The following C8orf34 variants were observed in gnomAD, a reference collection of about 807,000 sequenced individuals.
C8orf34 encodes chromosome 8 open reading frame 34.
In C8orf34, 65 loss-of-function variants were observed where a neutral mutation model predicts 68.3. The ratio of observed to expected loss-of-function variants is 0.95; its 90% CI spans 0.78 to 1.17. C8orf34 has a LOEUF of 1.17. Among genes scored for constraint, C8orf34 ranks in the 50% most tolerant of loss-of-function variants. The pLI is 0.00. For missense variants in C8orf34, 664 were observed against 655.4 expected, an observed-to-expected ratio of 1.01 and a Z score of -0.14; for synonymous variants, 244 against 241.2, an observed-to-expected ratio of 1.01 and a Z score of -0.11.
rs191059814 is a variant in C8orf34 at position 68,503,302 on chromosome 8, A to G, written c.765+15251A>G. On this transcript the variant is annotated intron_variant, in intron 5 of 13. Transcript: ENST00000518698. ...ATTTGTTTACCAAAAAAAAGTACAT[A>G]CCAGAATATTTACAAATGATATGAT... is the stretch of plus-strand genomic sequence containing the variant. 4.4e-3 allele frequency among the ~76,000 whole-genome samples: 675 copies of G among 152,290 alleles called. 3 individuals are homozygous for G. Among genetic ancestry groups the G allele is most frequent in the South Asian group, 0.015 (70 of 4,822 alleles).
intron 8 of C8orf34, among the ~76,000 whole-genome samples, chr8:68,674,863 T>A (rs1045511139): frequency 7.0e-6 from 1 of 142,556 alleles, no homozygotes; most frequent in Non-Finnish European, 1.5e-5. Flanking sequence ...CTCCCAAAGG[T>A]CCCAAACTCC....
chr8:68,680,518 A>C (rs1820336649), intron 8 of C8orf34, among the ~76,000 whole-genome samples: 1 of 152,154 alleles, frequency 6.6e-6, no homozygotes, highest in Non-Finnish European at 1.5e-5. Context: ...TTTTTTATTA[A>C]GGGTTTCAAA....
chr8:68,354,741 A>T (rs1366834826), intron 1 of C8orf34, among the ~76,000 whole-genome samples: 1 of 152,148 alleles, frequency 6.6e-6, no homozygotes, highest in African/African-American at 2.4e-5. Flanking sequence ...ATCTGCGGAC[A>T]AAAGATATTT....
chr8:68,815,256 ATTC>A (rs1477247814), intron 12 of C8orf34, among the ~76,000 whole-genome samples: 2 of 152,092 alleles, frequency 1.3e-5, no homozygotes, highest in African/African-American at 2.4e-5. Flanking sequence ...ATAGTCTTAT[ATTC>A]TTCTGCCTCA....
chr8:68,809,611 A>T (rs1824586768), intron 12 of C8orf34, among the ~76,000 whole-genome samples: 1 of 152,104 alleles, frequency 6.6e-6, no homozygotes, highest in Admixed American at 6.5e-5. Flanking sequence ...ACAAAAAAGA[A>T]CCCATTACTC....
chr8:68,457,966 A>G (rs193138832), intron 3 of C8orf34, among the ~76,000 whole-genome samples: 4 of 152,236 alleles, frequency 2.6e-5, no homozygotes, highest in Admixed American at 2.0e-4. Context: ...TCTCATCCAA[A>G]GACGGCATAC....
intron 10 of C8orf34, among the ~76,000 whole-genome samples, chr8:68,756,273 G>T (rs879678025): frequency 2.0e-5 from 3 of 152,074 alleles, no homozygotes; most frequent in Non-Finnish European, 2.9e-5. Context: ...CAGCCTCAAA[G>T]GGATATAAAT....
chr8:68,503,882 T>C (rs543712222), intron 5 of C8orf34, among the ~76,000 whole-genome samples: 1 of 152,244 alleles, frequency 6.6e-6, no homozygotes, highest in Admixed American at 6.5e-5. Context: ...TAGTCTACTG[T>C]AAAAGGGAAA....
At chr8:68,811,138 A>G (rs1267485020) in intron 12 of C8orf34, among the ~76,000 whole-genome samples, 2 of 151,890 alleles carry the variant, frequency 1.3e-5, no homozygotes, top group African/African-American at 4.8e-5. Context: ...CACCCCCTCG[A>G]CCCTTCTCCC....
At chr8:68,527,864 T>A (rs1346052581) in intron 6 of C8orf34, among the ~76,000 whole-genome samples, 1 of 152,212 alleles carries the variant, frequency 6.6e-6, no homozygotes, top group Non-Finnish European at 1.5e-5. Flanking sequence ...CCTGCATCCC[T>A]GCAGCAGGCA....
chr8:68,429,521 C>T (rs1225168598), intron 1 of C8orf34, among the ~76,000 whole-genome samples: 1 of 152,332 alleles, frequency 6.6e-6, no homozygotes, highest in East Asian at 1.9e-4. Flanking sequence ...ATGAATCCCT[C>T]TGCTAGGGAT....
In C8orf34 at chr8:68,439,583, C is replaced by T. The variant is rs751846808; in HGVS notation, c.412C>T (p.Arg138Cys). 15 of 1,613,434 alleles carry T rather than the reference C, an allele frequency of 9.3e-6. No homozygotes were observed. The highest frequency in any genetic ancestry group is 4.0e-5 in the African/African-American group (3 of 74,882). ...IDHLQSKQGN[R>C]GQLQRTLSGS... ...CCATCTTCAGTCTAAACAAGGGAAC[C>T]GTGGACAACTTCAAAGAACTTTGTC... is the stretch of plus-strand genomic sequence containing the variant. Residue 138 changes from arginine to cysteine, a missense_variant, in exon 2 of 14, where the codon CGT becomes TGT. By Grantham distance (180) the Arg-to-Cys change is radical. Coordinates refer to ENST00000518698, the MANE Select transcript of C8orf34 (RefSeq NM_052958.4).
intron 10 of C8orf34, among the ~76,000 whole-genome samples, chr8:68,748,864 T>A (rs1362096867): frequency 6.6e-6 from 1 of 152,224 alleles, no homozygotes; most frequent in Non-Finnish European, 1.5e-5. Context: ...AAATACCATT[T>A]GACCCAGCCA....
intron 1 of C8orf34, among the ~76,000 whole-genome samples, chr8:68,373,739 C>G (rs1807666671): frequency 1.3e-5 from 2 of 152,168 alleles, no homozygotes; most frequent in South Asian, 2.1e-4. Flanking sequence ...TAAGTGAATA[C>G]TTTGGAGTTT....
At chr8:68,336,909 A>G (rs1205457588) in intron 1 of C8orf34, among the ~76,000 whole-genome samples, 1 of 152,202 alleles carries the variant, frequency 6.6e-6, no homozygotes, top group Non-Finnish European at 1.5e-5. Context: ...ATAAAGAATG[A>G]TAGTAACAGA....
chr8:68,457,645 C>T (rs899540684), intron 3 of C8orf34, among the ~76,000 whole-genome samples: 2 of 152,062 alleles, frequency 1.3e-5, no homozygotes, highest in African/African-American at 4.8e-5. Context: ...ATTAGCACTC[C>T]TTAATATACA....
chr8:68,545,356 A>G (rs1815840259), intron 7 of C8orf34, among the ~76,000 whole-genome samples: 1 of 152,152 alleles, frequency 6.6e-6, no homozygotes, highest in Admixed American at 6.6e-5. Context: ...ACTGTGAGTC[A>G]TTAAACTTCT....
chr8:68,331,770 C>CTTTCCTTCTTTTTTTTTTT lies in C8orf34; in HGVS notation c.327+434_327+435insCCTTCTTTTTTTTTTTTTT, dbSNP rs1563625066. ...CGTGTTGGATTTTCTTTTTTCTTTT[C>CTTTCCTTCTTTTTTTTTTT]TTTTCTTTCCTTCTTTTTTTTTTTT... On this transcript the variant is annotated intron_variant, in intron 1 of 13. Coordinates refer to ENST00000518698, the MANE Select transcript of C8orf34 (RefSeq NM_052958.4). Among the ~76,000 whole-genome samples, 58 of 45,196 alleles carry CTTTCCTTCTTTTTTTTTTT rather than the reference C, an allele frequency of 1.3e-3. 1 individual carries two copies. Among genetic ancestry groups the CTTTCCTTCTTTTTTTTTTT allele is most frequent in the Non-Finnish European group, 1.9e-3 (40 of 20,538 alleles). The allele number at this position is 45,196 out of a possible 152,430, so 29.7% of individuals were successfully genotyped here.
intron 5 of C8orf34, among the ~76,000 whole-genome samples, chr8:68,518,886 C>CAAA (rs56255310): frequency 0.047 from 3,696 of 78,072 alleles, 488 homozygotes; most frequent in African/African-American, 0.18. Flanking sequence ...GAGCAAGACT[C>CAAA]AAAAAAAAAA....
Sources: allele counts gnomAD v4.1 joint callset (sites outside exome capture counted in the v4.1 genomes callset), GRCh38; gene constraint gnomAD v4.1.1; transcripts MANE v1.5; gene names NCBI Gene and HGNC (gene_info 2026-07-23, HGNC 2026-07-21).